The following FAF1 variants were observed in gnomAD, a reference collection of about 807,000 sequenced individuals.
FAF1 encodes the protein Fas associated factor 1, also known as FAS-associated factor 1.
A neutral mutation model predicts 92.5 loss-of-function variants in FAF1; 25 were observed. The observed-to-expected ratio is 0.27, with a 90% CI of 0.20 to 0.38. The LOEUF (loss-of-function observed/expected upper bound fraction) is 0.38. Among genes scored for constraint, FAF1 ranks in the 10% least tolerant of loss-of-function variants. The pLI, the probability that FAF1 is intolerant of heterozygous loss-of-function variation, is 1.00. For missense variants in FAF1, 636 were observed against 793.3 expected (o/e 0.80, Z 2.38); for synonymous variants, 234 against 273.2 (o/e 0.86, Z 1.42).
intron 1 of FAF1, among the ~76,000 whole-genome samples, chr1:50,931,301 TTTC>T (rs1208811652): frequency 9.9e-5 from 15 of 152,242 alleles, no homozygotes; most frequent in African/African-American, 3.6e-4. Flanking sequence ...TTGTTTATAC[TTTC>T]TTATTGTTAT....
At chr1:50,459,982 T>C (rs1285757095) in intron 18 of FAF1, among the ~76,000 whole-genome samples, 2 of 152,212 alleles carry the variant, frequency 1.3e-5, no homozygotes, top group South Asian at 2.1e-4. Context: ...AGTGGACGTA[T>C]AGTAGTAAAG....
chr1:50,560,810 A>G (rs1052486464), intron 13 of FAF1, among the ~76,000 whole-genome samples: 1 of 152,232 alleles, frequency 6.6e-6, no homozygotes, highest in African/African-American at 2.4e-5. Context: ...GATACCCACT[A>G]ACCCACTTAT....
chr1:50,920,413 TGACA>T (rs1014135481), intron 1 of FAF1, among the ~76,000 whole-genome samples: 2 of 152,116 alleles, frequency 1.3e-5, no homozygotes, highest in Admixed American at 6.5e-5. Context: ...CTACTGCAGA[TGACA>T]GACATTGTCC....
chr1:50,574,662 T>C (rs1021565209), intron 12 of FAF1, among the ~76,000 whole-genome samples: 1 of 152,012 alleles, frequency 6.6e-6, no homozygotes, highest in Admixed American at 6.6e-5. Flanking sequence ...ACTTCCACAT[T>C]CCAAAAGGTG....
intron 2 of FAF1, among the ~76,000 whole-genome samples, chr1:50,811,568 AG>A (rs1643912393): frequency 6.6e-6 from 1 of 152,216 alleles, no homozygotes; most frequent in South Asian, 2.1e-4. Context: ...CATGACACAA[AG>A]AAAGGAAAAA....
intron 7 of FAF1, among the ~76,000 whole-genome samples, chr1:50,705,004 G>T (rs902823478): frequency 6.6e-6 from 1 of 152,186 alleles, no homozygotes; most frequent in Non-Finnish European, 1.5e-5. Flanking sequence ...GATTAAGCAT[G>T]ATTAATTCTC....
At chr1:50,833,390 TG>T (rs1189823747) in intron 2 of FAF1, among the ~76,000 whole-genome samples, 11 of 148,718 alleles carry the variant, frequency 7.4e-5, no homozygotes, top group Admixed American at 7.4e-4. Context: ...ATACACAGGG[TG>T]GTAAGGTGTG....
At chr1:50,528,866 C>T (rs992176323) in intron 15 of FAF1, among the ~76,000 whole-genome samples, 1 of 152,210 alleles carries the variant, frequency 6.6e-6, no homozygotes, top group Non-Finnish European at 1.5e-5. Flanking sequence ...GAACAAAGAC[C>T]TTTATGATAA....
At chr1:50,681,854 A>C (rs146234971) in intron 7 of FAF1, among the ~76,000 whole-genome samples, 94 of 150,026 alleles carry the variant, frequency 6.3e-4, no homozygotes, top group Non-Finnish European at 9.8e-4. Flanking sequence ...CCTCTTTTTG[A>C]GACAGGGTCT....
intron 7 of FAF1, among the ~76,000 whole-genome samples, chr1:50,668,061 A>AT (rs1378253287): frequency 1.8e-4 from 28 of 152,182 alleles, no homozygotes; most frequent in Non-Finnish European, 3.2e-4. Flanking sequence ...GTCTCTCATA[A>AT]TTTTATCTTT....
chr1:50,598,870 T>A (rs1033973965), intron 8 of FAF1, among the ~76,000 whole-genome samples: 1 of 152,072 alleles, frequency 6.6e-6, no homozygotes, highest in Non-Finnish European at 1.5e-5. Flanking sequence ...CTTGGGAGGC[T>A]GAGGCAGGAG....
intron 4 of FAF1, chr1:50,780,573 T>A (rs551795092): frequency 4.8e-6 from 1 of 208,772 alleles, no homozygotes; most frequent in East Asian, 1.6e-4. Flanking sequence ...ATGCCAATCA[T>A]CACTGGTAGC....
intron 2 of FAF1, among the ~76,000 whole-genome samples, chr1:50,853,425 T>C (rs1001696127): frequency 1.3e-5 from 2 of 152,086 alleles, no homozygotes; most frequent in Non-Finnish European, 2.9e-5. Flanking sequence ...TCCATGACAA[T>C]ATAGAAACAC....
chr1:50,529,013 A>G (rs1647991625), intron 15 of FAF1, among the ~76,000 whole-genome samples: 1 of 152,192 alleles, frequency 6.6e-6, no homozygotes, highest in East Asian at 1.9e-4. Flanking sequence ...AATCAATTAT[A>G]TTATTGGTAA....
At chr1:50,818,895 T>C (rs923721141) in intron 2 of FAF1, among the ~76,000 whole-genome samples, 51 of 152,250 alleles carry the variant, frequency 3.3e-4, no homozygotes, top group African/African-American at 8.9e-4. Flanking sequence ...TACAAATTCA[T>C]TTATGCTTCA....
intron 8 of FAF1, among the ~76,000 whole-genome samples, chr1:50,604,538 T>G (rs1167062791): frequency 6.6e-6 from 1 of 152,180 alleles, no homozygotes; most frequent in Non-Finnish European, 1.5e-5. Flanking sequence ...GAGACAGTCT[T>G]GCTTTGTTAC....
Position 50,437,131 on chromosome 1 carries a change from A to C in FAF1, c.*4309T>G, listed in dbSNP as rs184919761. 1 of 152,248 alleles carries C rather than the reference A, an allele frequency of 6.6e-6. No homozygotes were observed. Among genetic ancestry groups the C allele is most frequent in the African/African-American group, 2.4e-5 (1 of 41,472 alleles). 9.4% of individuals were successfully genotyped at this position (152,248 alleles called of 1,614,324 possible). A position where few individuals can be genotyped will look rare whatever the true frequency, so the allele number is the denominator to read the frequency against. On this transcript the variant is annotated 3_prime_UTR_variant, in exon 19 of 19. Transcript: ENST00000396153. Reference sequence around the variant, plus strand: ...GTTGGGGTTAAGTGTCACCTTCCAAAGCAGATTATTTGAGACAAGGACAAA... The same window carrying C: ...GTTGGGGTTAAGTGTCACCTTCCAACGCAGATTATTTGAGACAAGGACAAA...
chr1:50,853,401 C>G (rs921918221), intron 2 of FAF1, among the ~76,000 whole-genome samples: 2 of 152,030 alleles, frequency 1.3e-5, no homozygotes, highest in Admixed American at 1.3e-4. Context: ...AAATTATCTT[C>G]GAGGACTAAA....
At chr1:50,640,974 CA>C (rs756966459) in intron 8 of FAF1, among the ~76,000 whole-genome samples, 4 of 151,638 alleles carry the variant, frequency 2.6e-5, no homozygotes, top group Non-Finnish European at 4.4e-5. Context: ...GCTGGGACTA[CA>C]TGTGCGCACC....
Sources: allele counts gnomAD v4.1 joint callset (sites outside exome capture counted in the v4.1 genomes callset), GRCh38; gene constraint gnomAD v4.1.1; transcripts MANE v1.5; gene names NCBI Gene and HGNC (gene_info 2026-07-23, HGNC 2026-07-21).